Variants in IMMP1L observed in about 807,000 individuals in gnomAD.
The protein encoded by IMMP1L is mitochondrial inner membrane protease subunit 1.
A neutral mutation model predicts 21.8 loss-of-function variants in IMMP1L; 24 were observed. The ratio of observed to expected loss-of-function variants is 1.10; its 90% CI spans 0.80 to 1.55. The LOEUF (loss-of-function observed/expected upper bound fraction) is 1.55. Ranked by LOEUF, IMMP1L falls within the 40% of genes most tolerant of loss-of-function variation. The pLI, the probability that IMMP1L is intolerant of heterozygous loss-of-function variation, is 0.00. For missense variants in IMMP1L, 195 were observed against 200.7 expected (o/e 0.97, Z 0.17); for synonymous variants, 46 against 62.8 (o/e 0.73, Z 1.26).
intron 1 of IMMP1L, among the ~76,000 whole-genome samples, chr11:31,472,074 T>G (rs1460523692): frequency 6.6e-6 from 1 of 152,178 alleles, no homozygotes; most frequent in Non-Finnish European, 1.5e-5. Flanking sequence ...TCCTGCCTCC[T>G]TTTTACTCTT....
At chr11:31,504,125 T>C (rs1228193096) in intron 1 of IMMP1L, among the ~76,000 whole-genome samples, 1 of 152,046 alleles carries the variant, frequency 6.6e-6, no homozygotes, top group Non-Finnish European at 1.5e-5. Flanking sequence ...AAAACATCAA[T>C]GGTTTTAGGA....
intron 4 of IMMP1L, among the ~76,000 whole-genome samples, chr11:31,439,950 C>G (rs544598317): frequency 3.3e-5 from 5 of 152,126 alleles, no homozygotes; most frequent in African/African-American, 4.8e-5. Context: ...GTCATTCATT[C>G]CTCAGTCTCT....
intron 1 of IMMP1L, among the ~76,000 whole-genome samples, chr11:31,497,514 T>G (rs1592043012): frequency 6.7e-6 from 1 of 148,946 alleles, no homozygotes; most frequent in Non-Finnish European, 1.5e-5. Context: ...CAGACTGGAG[T>G]GCAGTGGTGC....
intron 1 of IMMP1L, chr11:31,473,773 C>T: frequency 1.0e-6 from 1 of 985,138 alleles, no homozygotes; most frequent in Non-Finnish European, 1.2e-6. Flanking sequence ...CCTGATTGTT[C>T]AGGTCTGAAA....
intron 1 of IMMP1L, among the ~76,000 whole-genome samples, chr11:31,502,491 T>C (rs1315746347): frequency 6.6e-6 from 1 of 152,246 alleles, no homozygotes; most frequent in Admixed American, 6.5e-5. Context: ...ATTTATTTAT[T>C]TCTTTAGAGA....
At chr11:31,442,454 A>T (rs1266057161) in intron 4 of IMMP1L, among the ~76,000 whole-genome samples, 2 of 152,360 alleles carry the variant, frequency 1.3e-5, no homozygotes, top group East Asian at 3.9e-4. Context: ...AAATTCATTT[A>T]TTTGATTAGG....
At chr11:31,493,717 T>C (rs1955331793) in intron 1 of IMMP1L, among the ~76,000 whole-genome samples, 1 of 152,186 alleles carries the variant, frequency 6.6e-6, no homozygotes, top group Non-Finnish European at 1.5e-5. Context: ...AGTTACTTCC[T>C]AGATACAACA....
At chr11:31,481,239 T>C (rs975053369) in intron 1 of IMMP1L, among the ~76,000 whole-genome samples, 3 of 152,132 alleles carry the variant, frequency 2.0e-5, no homozygotes, top group African/African-American at 7.2e-5. Flanking sequence ...ATATGATCTA[T>C]TGTGAACCCA....
chr11:31,483,883 A>G (rs1469645480), intron 1 of IMMP1L, among the ~76,000 whole-genome samples: 2 of 151,912 alleles, frequency 1.3e-5, no homozygotes, highest in African/African-American at 4.8e-5. Context: ...TAAACTATAC[A>G]TCTCATATCT....
intron 1 of IMMP1L, among the ~76,000 whole-genome samples, chr11:31,496,068 G>A (rs1057451495): frequency 1.3e-5 from 2 of 151,616 alleles, no homozygotes; most frequent in African/African-American, 2.4e-5. Flanking sequence ...ATCTAATTAA[G>A]GGTCACGGTC....
rs1218338720 is a variant in IMMP1L, at chr11:31,493,301, T to C, written c.-30+16218A>G. The stretch of plus-strand genomic sequence containing the variant: ...GGAAGGAGAAGCAAACACATCCTTC[T>C]TCACATGGTGGCGGGAAGGAGAAGT... On this transcript the variant is annotated intron_variant, in intron 1 of 5. Transcript: ENST00000532287. Among the ~76,000 whole-genome samples, 10 of 152,086 alleles carry C rather than the reference T, an allele frequency of 6.6e-5. No individual in the cohort carries two copies. The East Asian group carries it at 1.5e-3, about 24-fold the overall frequency.
chr11:31,477,591 G>A (rs1395227199), intron 1 of IMMP1L: 1 of 977,438 alleles, frequency 1.0e-6, no homozygotes, highest in Non-Finnish European at 1.2e-6. Context: ...CAAGAGATGG[G>A]AAAGGATTAG....
chr11:31,457,574 T>C (rs1953990564), intron 3 of IMMP1L, among the ~76,000 whole-genome samples: 1 of 152,160 alleles, frequency 6.6e-6, no homozygotes, highest in Admixed American at 6.5e-5. Flanking sequence ...ATCAGAAACC[T>C]AATAACTGCT....
intron 1 of IMMP1L, among the ~76,000 whole-genome samples, chr11:31,490,503 C>T (rs1416206103): frequency 6.6e-6 from 1 of 151,742 alleles, no homozygotes; most frequent in African/African-American, 2.4e-5. Flanking sequence ...TTAAATAACC[C>T]CCTACTTCTA....
intron 4 of IMMP1L, among the ~76,000 whole-genome samples, chr11:31,442,231 A>T (rs916083867): frequency 5.9e-5 from 9 of 152,182 alleles, no homozygotes; most frequent in African/African-American, 1.2e-4. Flanking sequence ...CAAAAGAATC[A>T]AGCCTCTAGT....
At chr11:31,504,874 T>C (rs868342422) in intron 1 of IMMP1L, among the ~76,000 whole-genome samples, 1 of 152,138 alleles carries the variant, frequency 6.6e-6, no homozygotes, top group South Asian at 2.1e-4. Context: ...GAAAAACAGG[T>C]AAAAGAAATC....
chr11:31,451,592 G>A (rs999588200), intron 4 of IMMP1L, among the ~76,000 whole-genome samples: 10 of 152,116 alleles, frequency 6.6e-5, no homozygotes, highest in South Asian at 4.1e-4. Context: ...TGTATGGAAG[G>A]AGCCATTTTG....
At chr11:31,495,724 T>C (rs566284206) in intron 1 of IMMP1L, among the ~76,000 whole-genome samples, 7 of 152,288 alleles carry the variant, frequency 4.6e-5, no homozygotes, top group Admixed American at 3.9e-4. Context: ...TTGACATAAA[T>C]GGTCAAATGA....
rs144671001 is a variant in IMMP1L at position 31,466,200 on chromosome 11, T to C, written c.-29-2895A>G. Among the ~76,000 whole-genome samples, 462 of 152,052 alleles carry C rather than the reference T, an allele frequency of 3.0e-3. 3 individuals are homozygous for C. The highest frequency in any genetic ancestry group is 0.01 in the African/African-American group (427 of 41,516). On this transcript the variant is annotated intron_variant, in intron 1 of 5. Coordinates refer to ENST00000532287, the MANE Select transcript of IMMP1L (RefSeq NM_001304274.2). The stretch of plus-strand genomic sequence containing the variant: ...TCTTCAGGGAAATGCAAGTCAAAAC[T>C]ATAATCAGGTATCATCTTACCACAG...
Sources: allele counts gnomAD v4.1 joint callset (sites outside exome capture counted in the v4.1 genomes callset), GRCh38; gene constraint gnomAD v4.1.1; transcripts MANE v1.5; gene names NCBI Gene and HGNC (gene_info 2026-07-23, HGNC 2026-07-21).